The following GRIN2A variants were observed in gnomAD, a reference collection of about 807,000 sequenced individuals.
GRIN2A encodes glutamate receptor ionotropic, NMDA 2A.
In GRIN2A, 22 loss-of-function variants were observed where a neutral mutation model predicts 113.4. The observed-to-expected ratio is 0.19, with a 90% CI of 0.14 to 0.28. The LOEUF (loss-of-function observed/expected upper bound fraction) is 0.28, where lower values mean the gene tolerates loss of function less well. GRIN2A is among the 10% of genes least tolerant of loss of function. The pLI, the probability that GRIN2A is intolerant of heterozygous loss-of-function variation, is 1.00. For missense variants in GRIN2A, 1,502 were observed against 1,887.0 expected, an observed-to-expected ratio of 0.80 and a Z score of 3.78; for synonymous variants, 827 against 738.4, an observed-to-expected ratio of 1.12 and a Z score of -1.94.
At chr16:9,925,683 A>T (rs1225806815) in intron 3 of GRIN2A, among the ~76,000 whole-genome samples, 1 of 152,154 alleles carries the variant, frequency 6.6e-6, no homozygotes, top group African/African-American at 2.4e-5. Context: ...CCCAATATTC[A>T]GGGTCTTAAA....
intron 2 of GRIN2A, among the ~76,000 whole-genome samples, chr16:10,114,357 A>G (rs909836783): frequency 1.3e-5 from 2 of 152,206 alleles, no homozygotes; most frequent in African/African-American, 4.8e-5. Context: ...TGATCCACCC[A>G]AGAGATTATG....
At chr16:9,988,274 T>TGTGTGTGC (rs1281498636) in intron 2 of GRIN2A, among the ~76,000 whole-genome samples, 67 of 127,990 alleles carry the variant, frequency 5.2e-4, no homozygotes, top group South Asian at 5.0e-3. Context: ...TAGGGGTGTG[T>TGTGTGTGC]GTGTGTGTGC....
chr16:10,099,859 C>A (rs1345891194), intron 2 of GRIN2A, among the ~76,000 whole-genome samples: 1 of 152,162 alleles, frequency 6.6e-6, no homozygotes, highest in Non-Finnish European at 1.5e-5. Flanking sequence ...CGTGAAGTTC[C>A]TGAGGTGCCG....
At chr16:10,067,700 A>C (rs2047675513) in intron 2 of GRIN2A, among the ~76,000 whole-genome samples, 2 of 152,110 alleles carry the variant, frequency 1.3e-5, no homozygotes, top group African/African-American at 2.4e-5. Context: ...GATTACCCAC[A>C]GGCTAAGCCA....
intron 2 of GRIN2A, among the ~76,000 whole-genome samples, chr16:9,953,231 C>T (rs115957729): frequency 5.4e-4 from 82 of 152,224 alleles, no homozygotes; most frequent in African/African-American, 1.7e-3. Context: ...ACTCATGGAT[C>T]GGATTGGCAG....
chr16:9,820,394 T>A (rs1229965075), intron 10 of GRIN2A, among the ~76,000 whole-genome samples: 1 of 152,234 alleles, frequency 6.6e-6, no homozygotes, highest in Non-Finnish European at 1.5e-5. Context: ...TTCAGGTATC[T>A]GTGAAAGTGG....
At chr16:10,157,825 T>G (rs1567339288) in intron 2 of GRIN2A, among the ~76,000 whole-genome samples, 1 of 152,186 alleles carries the variant, frequency 6.6e-6, no homozygotes, top group Admixed American at 6.5e-5. Flanking sequence ...GAACAGTAGT[T>G]TGTTATATTT....
chr16:9,848,297 C>A (rs938295558), intron 5 of GRIN2A, among the ~76,000 whole-genome samples: 4 of 150,690 alleles, frequency 2.7e-5, no homozygotes, highest in African/African-American at 4.9e-5. Flanking sequence ...CTTATTGCAA[C>A]CTCCACCTCC....
intron 3 of GRIN2A, among the ~76,000 whole-genome samples, chr16:9,921,855 G>A (rs895133395): frequency 1.3e-5 from 2 of 152,172 alleles, no homozygotes; most frequent in Admixed American, 1.3e-4. Context: ...TCATGCCTTT[G>A]CCATGAGCCA....
chr16:10,170,484 T>G (rs1262360801), intron 2 of GRIN2A, among the ~76,000 whole-genome samples: 2 of 152,236 alleles, frequency 1.3e-5, no homozygotes, highest in Non-Finnish European at 2.9e-5. Flanking sequence ...TACCACATCT[T>G]AAGTAATCTC....
chr16:10,158,873 C>T (rs1183149528), intron 2 of GRIN2A, among the ~76,000 whole-genome samples: 2 of 152,154 alleles, frequency 1.3e-5, no homozygotes, highest in Non-Finnish European at 2.9e-5. Flanking sequence ...GTACTAAACG[C>T]CACTGAATTG....
At chr16:10,025,065 C>T (rs973440361) in intron 2 of GRIN2A, among the ~76,000 whole-genome samples, 2 of 150,434 alleles carry the variant, frequency 1.3e-5, no homozygotes, top group Non-Finnish European at 3.0e-5. Context: ...AGAGAGGAAT[C>T]GAGAGATGAG....
intron 2 of GRIN2A, among the ~76,000 whole-genome samples, chr16:10,154,757 G>T (rs1235155902): frequency 1.3e-5 from 2 of 152,188 alleles, no homozygotes; most frequent in Non-Finnish European, 2.9e-5. Flanking sequence ...CATGGCTTCT[G>T]AGATGAGTTT....
chr16:10,048,592 A>C (rs1431079906), intron 2 of GRIN2A, among the ~76,000 whole-genome samples: 2 of 152,116 alleles, frequency 1.3e-5, no homozygotes, highest in African/African-American at 4.8e-5. Flanking sequence ...TTTGCTCAAT[A>C]ATCTCTCCTG....
intron 2 of GRIN2A, among the ~76,000 whole-genome samples, chr16:10,005,936 C>T (rs1207028291): frequency 6.6e-6 from 1 of 152,190 alleles, no homozygotes; most frequent in Non-Finnish European, 1.5e-5. Flanking sequence ...GAATAAACTA[C>T]CTTTGAAACC....
At chr16:9,936,010 G>A (rs1250446353) in intron 3 of GRIN2A, among the ~76,000 whole-genome samples, 4 of 152,106 alleles carry the variant, frequency 2.6e-5, no homozygotes, top group East Asian at 1.9e-4. Flanking sequence ...CCTGCTGACT[G>A]TAATTTCTGA....
intron 2 of GRIN2A, among the ~76,000 whole-genome samples, chr16:10,142,002 C>T (rs948967455): frequency 6.6e-6 from 1 of 152,208 alleles, no homozygotes; most frequent in East Asian, 1.9e-4. Context: ...CTCTGCCTCT[C>T]CTATCACACT....
intron 11 of GRIN2A, among the ~76,000 whole-genome samples, chr16:9,779,187 T>G (rs1479121891): frequency 6.6e-6 from 1 of 152,216 alleles, no homozygotes; most frequent in Admixed American, 6.5e-5. Context: ...TCTCCCAGGT[T>G]GGGGAGATGC....
At chr16:9,791,256 T>C (rs978904251) in intron 11 of GRIN2A, among the ~76,000 whole-genome samples, 2 of 151,960 alleles carry the variant, frequency 1.3e-5, no homozygotes, top group Admixed American at 6.6e-5. Flanking sequence ...GGCTGAAGGA[T>C]GGATGAGATG....
Sources: gnomAD v4.1 joint callset for allele counts (sites outside exome capture counted in the v4.1 genomes callset) on GRCh38, gnomAD v4.1.1 for gene constraint, MANE v1.5 for transcripts, NCBI Gene and HGNC (gene_info 2026-07-23, HGNC 2026-07-21) for gene names.